Variants in NDUFS4 observed in about 807,000 individuals in gnomAD.
The protein encoded by NDUFS4 is NADH:ubiquinone oxidoreductase subunit S4, also known as NADH dehydrogenase [ubiquinone] iron-sulfur protein 4, mitochondrial.
NDUFS4 carries 28 observed loss-of-function variants against 24.3 expected under a neutral mutation model. The ratio of observed to expected loss-of-function variants is 1.15; its 90% confidence interval spans 0.85 to 1.58. The LOEUF (loss-of-function observed/expected upper bound fraction) is 1.58. Ranked by LOEUF, NDUFS4 falls within the 40% of genes most tolerant of loss-of-function variation. The probability of loss-of-function intolerance (pLI) is 0.00; values close to 1 mark genes in which losing one functional copy is unlikely to be tolerated. For missense variants in NDUFS4, 223 were observed against 207.9 expected (o/e 1.07, Z -0.45); for synonymous variants, 93 against 69.7 (o/e 1.34, Z -1.67).
chr5:53,573,587 T>G (rs184716212), intron 1 of NDUFS4: 1 of 452,022 alleles, frequency 2.2e-6, no homozygotes, highest in African/African-American at 2.0e-5. Flanking sequence ...AATTTTCTTT[T>G]CTTTATTTTT....
At chr5:53,663,946 A>T (rs1045149573) in intron 4 of NDUFS4, among the ~76,000 whole-genome samples, 2 of 151,838 alleles carry the variant, frequency 1.3e-5, no homozygotes, top group South Asian at 2.1e-4. Flanking sequence ...TTTACAATTT[A>T]TCATGTGTTT....
At chr5:53,675,288 G>C (rs1421131440) in intron 4 of NDUFS4, among the ~76,000 whole-genome samples, 1 of 148,258 alleles carries the variant, frequency 6.7e-6, no homozygotes, top group African/African-American at 2.5e-5. Flanking sequence ...TCAGCCTCCC[G>C]AGGAGCTGGG....
At chr5:53,681,908 A>T (rs1579952850) in intron 4 of NDUFS4, among the ~76,000 whole-genome samples, 1 of 152,102 alleles carries the variant, frequency 6.6e-6, no homozygotes, top group South Asian at 2.1e-4. Context: ...GGTAAAACTG[A>T]ATACTAACTA....
chr5:53,669,400 C>T (rs1308677530), intron 4 of NDUFS4, among the ~76,000 whole-genome samples: 3 of 152,142 alleles, frequency 2.0e-5, no homozygotes, highest in Non-Finnish European at 2.9e-5. Flanking sequence ...TCTACAACCT[C>T]GTTAATACTG....
At chr5:53,580,771 T>C (rs941349204) in intron 1 of NDUFS4, among the ~76,000 whole-genome samples, 8 of 150,486 alleles carry the variant, frequency 5.3e-5, no homozygotes, top group African/African-American at 1.2e-4. Context: ...CTTTCTTTCT[T>C]TCTCTCTCTC....
chr5:53,581,249 A>C (rs1358786235), intron 1 of NDUFS4, among the ~76,000 whole-genome samples: 2 of 152,112 alleles, frequency 1.3e-5, no homozygotes, highest in African/African-American at 4.8e-5. Flanking sequence ...CTAGTCATTA[A>C]ATTCTAGTAT....
chr5:53,622,740 A>G (rs941001574), intron 2 of NDUFS4, among the ~76,000 whole-genome samples: 3 of 152,202 alleles, frequency 2.0e-5, no homozygotes, highest in Non-Finnish European at 2.9e-5. Flanking sequence ...ATGTTAAAAT[A>G]TACATTGCAC....
At chr5:53,609,504 G>A (rs970273803) in intron 2 of NDUFS4, among the ~76,000 whole-genome samples, 2 of 152,144 alleles carry the variant, frequency 1.3e-5, no homozygotes, top group Non-Finnish European at 2.9e-5. Context: ...TAGAGCAGAG[G>A]CAGAAGAGAT....
chr5:53,589,827 G>C (rs1399418127), intron 1 of NDUFS4, among the ~76,000 whole-genome samples: 1 of 152,196 alleles, frequency 6.6e-6, no homozygotes, highest in African/African-American at 2.4e-5. Flanking sequence ...TAGCCTCCCA[G>C]CCATACATCT....
At chr5:53,635,345 C>G (rs1368660055) in intron 2 of NDUFS4, among the ~76,000 whole-genome samples, 1 of 143,344 alleles carries the variant, frequency 7.0e-6, no homozygotes, top group East Asian at 2.0e-4. Flanking sequence ...AACCCCATCT[C>G]TACAAAAAAA....
At chr5:53,621,365 T>A (rs527925490) in intron 2 of NDUFS4, among the ~76,000 whole-genome samples, 2 of 152,070 alleles carry the variant, frequency 1.3e-5, no homozygotes, top group South Asian at 4.1e-4. Context: ...TTTTATTTAG[T>A]TTGACAATTT....
chr5:53,617,940 T>G (rs567432355), intron 2 of NDUFS4, among the ~76,000 whole-genome samples: 33 of 152,278 alleles, frequency 2.2e-4, no homozygotes, highest in African/African-American at 6.7e-4. Flanking sequence ...TGAATATACC[T>G]TTTTATATTT....
At chr5:53,634,523 A>C (rs1010013360) in intron 2 of NDUFS4, among the ~76,000 whole-genome samples, 1 of 152,138 alleles carries the variant, frequency 6.6e-6, no homozygotes, top group African/African-American at 2.4e-5. Flanking sequence ...GGAGATGAAG[A>C]GTACTGTTTA....
rs1749579411 is a variant in NDUFS4 at position 53,581,938 on chromosome 5, G to A, written c.98+21178G>A. Among the ~76,000 whole-genome samples, 6 of 152,290 alleles carry A rather than the reference G, an allele frequency of 3.9e-5. No homozygotes were observed. The South Asian group carries it at 8.3e-4, about 21-fold the overall frequency. ...AAATAAATGTGAGCTAGGGCTGGGC[G>A]TGGTGGCTCACGCCTGTAATCCCAG... On this transcript the variant is annotated intron_variant, in intron 1 of 4. Coordinates refer to ENST00000296684, the MANE Select transcript of NDUFS4 (RefSeq NM_002495.4).
At chr5:53,649,428 T>C (rs1388111) in intron 3 of NDUFS4, among the ~76,000 whole-genome samples, 39,955 of 152,074 alleles carry the variant, frequency 0.26, 5,911 homozygotes, top group Admixed American at 0.35. Flanking sequence ...TACCCATTGT[T>C]CAGCTTTCAC....
At chr5:53,577,813 TAGC>T in intron 1 of NDUFS4, among the ~76,000 whole-genome samples, 1 of 152,296 alleles carries the variant, frequency 6.6e-6, no homozygotes, top group Non-Finnish European at 1.5e-5. Flanking sequence ...GAATTCATGA[TAGC>T]AGAATATTCC....
chr5:53,563,319 G>C, intron 1 of NDUFS4, among the ~76,000 whole-genome samples: 1 of 151,102 alleles, frequency 6.6e-6, no homozygotes, highest in East Asian at 1.9e-4. Flanking sequence ...TATCATCAGT[G>C]AAAAGCAAAA....
intron 3 of NDUFS4, among the ~76,000 whole-genome samples, chr5:53,653,722 A>T (rs937688149): frequency 1.3e-5 from 2 of 151,818 alleles, no homozygotes; most frequent in African/African-American, 2.4e-5. Context: ...GACTTTTTTC[A>T]GTGTATGTAT....
chr5:53,600,063 G>C (rs1750262584), intron 1 of NDUFS4, among the ~76,000 whole-genome samples: 1 of 151,952 alleles, frequency 6.6e-6, no homozygotes, highest in Non-Finnish European at 1.5e-5. Context: ...GCAATGGCAC[G>C]ATCTCAGCTC....
Sources: gnomAD v4.1 joint callset for allele counts (sites outside exome capture counted in the v4.1 genomes callset) on GRCh38, gnomAD v4.1.1 for gene constraint, MANE v1.5 for transcripts, NCBI Gene and HGNC (gene_info 2026-07-23, HGNC 2026-07-21) for gene names.